OAT: variants seen among roughly 807,000 people sequenced by gnomAD.
OAT encodes the protein ornithine aminotransferase.
A neutral mutation model predicts 48.4 loss-of-function variants in OAT; 35 were observed. The ratio of observed to expected loss-of-function variants is 0.72; its 90% CI spans 0.55 to 0.96. The LOEUF is 0.96. Among genes scored for constraint, OAT ranks in the 40% least tolerant of loss-of-function variants. The probability of loss-of-function intolerance (pLI) is 0.00; values close to 1 mark genes in which losing one functional copy is unlikely to be tolerated. For synonymous variants in OAT, 182 were observed against 198.4 expected (o/e 0.92, Z 0.70); for missense variants, 438 against 537.9 (o/e 0.81, Z 1.84).
At chr10:124,417,873 C>T (rs1466803593) in intron 1 of OAT, among the ~76,000 whole-genome samples, 1 of 152,140 alleles carries the variant, frequency 6.6e-6, no homozygotes, top group Non-Finnish European at 1.5e-5. Flanking sequence ...AATTTATCAC[C>T]GTAATTTATC....
At chr10:124,418,562 C>T (rs977704760) in intron 1 of OAT, among the ~76,000 whole-genome samples, 2 of 152,272 alleles carry the variant, frequency 1.3e-5, no homozygotes, top group Admixed American at 1.3e-4. Context: ...CTCTCCCTGC[C>T]GCCCGCCCGT....
intron 4 of OAT, chr10:124,407,507 C>G: frequency 2.1e-6 from 2 of 939,498 alleles, no homozygotes; most frequent in South Asian, 9.9e-5. Flanking sequence ...TTTTAAATGG[C>G]AAGTTACAGA....
intron 4 of OAT, chr10:124,405,888 A>C: frequency 1.7e-6 from 2 of 1,188,430 alleles, no homozygotes; most frequent in Non-Finnish European, 1.1e-6. Context: ...AGCCCTAACA[A>C]TTGAGGTCTT....
At chr10:124,402,097 A>G (rs1951430625) in intron 7 of OAT, among the ~76,000 whole-genome samples, 1 of 147,334 alleles carries the variant, frequency 6.8e-6, no homozygotes, top group Non-Finnish European at 1.5e-5. Flanking sequence ...ATATAGTTTC[A>G]CCATGTTGGC....
Position 124,412,116 on chromosome 10 carries a change from T to C in OAT, c.56A>G (p.His19Arg). 6.2e-7 allele frequency: 1 copy of C among 1,614,176 alleles called. No individual in the cohort carries two copies. Among genetic ancestry groups the C allele is most frequent in the South Asian group, 1.1e-5 (1 of 91,090 alleles). Residue 19 changes from histidine to arginine, a missense_variant, in exon 2 of 10, where the codon CAT becomes CGT. By Grantham distance (29) the His-to-Arg change is conservative. Coordinates refer to ENST00000368845, the MANE Select transcript of OAT (RefSeq NM_000274.4). Reference sequence around the variant, plus strand: ...AGATGTAGCAGAAGCCACTGAAGAATGAACTCCGCGACTAAGTACAGCAAA... The same window carrying C: ...AGATGTAGCAGAAGCCACTGAAGAACGAACTCCGCGACTAAGTACAGCAAA... ...QRFAVLSRGV[H>R]SSVASATSVA...
At chr10:124,417,609 C>T (rs1277877880) in intron 1 of OAT, among the ~76,000 whole-genome samples, 1 of 152,052 alleles carries the variant, frequency 6.6e-6, no homozygotes, top group Non-Finnish European at 1.5e-5. Context: ...TTTAATTTAA[C>T]GCTCGTTTTT....
rs938424393 is a variant in OAT at position 124,407,474 on chromosome 10, G to A, written c.520+1068C>T. Reference sequence around the variant, plus strand: ...TTTGTTTGCAAGAGACAGTTATGTTGTCCTACAACGAAAGCACAAGATTTT... The same window carrying A: ...TTTGTTTGCAAGAGACAGTTATGTTATCCTACAACGAAAGCACAAGATTTT... On this transcript the variant is annotated intron_variant, in intron 4 of 9. Transcript: ENST00000368845. The A allele has an allele frequency of 1.2e-5, 12 of 984,654 alleles. No homozygotes were observed. The African/African-American group carries it at 1.9e-4, about 16-fold the overall frequency. 61.0% of individuals were successfully genotyped at this position (984,654 alleles called of 1,614,324 possible). A position where few individuals can be genotyped will look rare whatever the true frequency, so the allele number is the denominator to read the frequency against.
At chr10:124,407,538 T>C (rs1249824228) in intron 4 of OAT, 4 of 740,434 alleles carry the variant, frequency 5.4e-6, no homozygotes, top group Non-Finnish European at 1.6e-6. Flanking sequence ...GATTTCTTCT[T>C]TGGGAATACC....
At chr10:124,409,006 T>C in intron 2 of OAT, 41 bp from the exon 3 acceptor site, 1 of 1,518,274 alleles carries the variant, frequency 6.6e-7, no homozygotes, top group Non-Finnish European at 9.1e-7. Context: ...AGACAATTAC[T>C]ATACGGCATA....
At chr10:124,411,374 ATAAAAGT>A (rs1951745761) in intron 2 of OAT, among the ~76,000 whole-genome samples, 1 of 152,162 alleles carries the variant, frequency 6.6e-6, no homozygotes, top group Non-Finnish European at 1.5e-5. Context: ...CTATGCCAAA[ATAAAAGT>A]TAAAAGAAAA....
At chr10:124,406,514 A>G (rs1438893802) in intron 4 of OAT, among the ~76,000 whole-genome samples, 1 of 150,324 alleles carries the variant, frequency 6.7e-6, no homozygotes, top group Non-Finnish European at 1.5e-5. Context: ...TAATAATAAT[A>G]ATAATAAAGA....
Position 124,397,952 on chromosome 10 carries a change from A to C in OAT, c.1310T>G (p.Leu437Trp). The C allele has an allele frequency of 1.2e-6, 2 of 1,613,824 alleles. No individual in the cohort carries two copies. The highest frequency in any genetic ancestry group is 1.7e-6 in the Non-Finnish European group (2 of 1,179,848). The change falls in exon 10 of 10, where the codon TTG becomes TGG. Residue 437 changes from leucine to tryptophan, a missense_variant. Physicochemically the swap from Leu to Trp is moderately conservative, Grantham distance 61 (BLOSUM62 -2). Coordinates refer to ENST00000368845, the MANE Select transcript of OAT (RefSeq NM_000274.4). ...AACAGCTGGCTACCCTCAGAAAGAC[A>C]AGATGGTCTTGTTAATAATTTCAAT... Reference protein sequence around the residue: ...ESIEIINKTILSF With the variant: ...ESIEIINKTIWSF
At chr10:124,412,363 T>C (rs564464566) in intron 1 of OAT, among the ~76,000 whole-genome samples, 163 bp from the exon 2 acceptor site, 11 of 150,584 alleles carry the variant, frequency 7.3e-5, no homozygotes, top group African/African-American at 2.7e-4. Flanking sequence ...ATTGAAAAAT[T>C]AGCTGGGTGT....
Position 124,408,550 on chromosome 10 carries a change from A to G in OAT, c.512T>C (p.Val171Ala). The change falls in exon 4 of 10, where the codon GTT (valine) becomes GCT (alanine). Residue 171 changes from valine to alanine, a missense_variant. Coordinates refer to ENST00000368845, the MANE Select transcript of OAT (RefSeq NM_000274.4). ...TATTTAATTTCACATACCTGCAAAAACAATCTTTGCTTTGTATTTCTGAAT... is the reference window on the plus strand; with the variant it reads ...TATTTAATTTCACATACCTGCAAAAGCAATCTTTGCTTTGTATTTCTGAAT... ...KGIQKYKAKI[V>A]FAAGNFWGRT... The G allele has an allele frequency of 6.2e-7, 1 of 1,610,394 alleles. No homozygotes were observed. Among genetic ancestry groups the G allele is most frequent in the Non-Finnish European group, 8.5e-7 (1 of 1,178,588 alleles).
intron 4 of OAT, among the ~76,000 whole-genome samples, chr10:124,408,281 ATAAG>A (rs1285627000): frequency 7.5e-6 from 1 of 134,056 alleles, no homozygotes; most frequent in Non-Finnish European, 1.6e-5. Context: ...TATAAAATAT[ATAAG>A]TGTGTGTGTG....
In OAT at chr10:124,397,641, T is replaced by C. The variant is rs1186813843; in HGVS notation, c.*301A>G. On this transcript the variant is annotated 3_prime_UTR_variant, in exon 10 of 10. Coordinates refer to ENST00000368845, the MANE Select transcript of OAT (RefSeq NM_000274.4). ...AAATTATAAAAACATATATCAATTA[T>C]ACTGAAGGACTTGATTTAGAGGCTG... is the stretch of plus-strand genomic sequence containing the variant. 9.4e-6 allele frequency: 3 copies of C among 318,850 alleles called. No homozygotes were observed. The highest frequency in any genetic ancestry group is 1.8e-5 in the Non-Finnish European group (3 of 169,328). 19.8% of individuals were successfully genotyped at this position (318,850 alleles called of 1,614,324 possible). A position where few individuals can be genotyped will look rare whatever the true frequency, so the allele number is the denominator to read the frequency against.
At chr10:124,412,255 AAT>A in intron 1 of OAT, 55 bp from the exon 2 acceptor site, 1 of 1,378,364 alleles carries the variant, frequency 7.3e-7, no homozygotes, top group Non-Finnish European at 1.0e-6. Context: ...TTATGCCTAT[AAT>A]CTCAGCACTT....
chr10:124,412,809 G>C (rs982334744), intron 1 of OAT, among the ~76,000 whole-genome samples: 1 of 152,164 alleles, frequency 6.6e-6, no homozygotes, highest in African/African-American at 2.4e-5. Flanking sequence ...CAATCAATAA[G>C]AGTAAGACTC....
At chr10:124,403,119 C>G (rs1251940784) in intron 6 of OAT, 64 bp from the exon 7 acceptor site, 1 of 1,555,120 alleles carries the variant, frequency 6.4e-7, no homozygotes, top group African/African-American at 1.4e-5. Context: ...AAATAGCCAT[C>G]CTTATTTCAC....
Sources: allele counts gnomAD v4.1 joint callset (sites outside exome capture counted in the v4.1 genomes callset), GRCh38; gene constraint gnomAD v4.1.1; transcripts MANE v1.5; gene names NCBI Gene and HGNC (gene_info 2026-07-23, HGNC 2026-07-21).